Variants in RPGRIP1 observed in about 807,000 individuals in gnomAD.
The protein encoded by RPGRIP1 is X-linked retinitis pigmentosa GTPase regulator-interacting protein 1.
Under a neutral mutation model 157.9 loss-of-function variants are expected in RPGRIP1, and 128 were observed. The ratio of observed to expected loss-of-function variants is 0.81; its 90% confidence interval spans 0.70 to 0.94. The LOEUF is 0.94. Among genes scored for constraint, RPGRIP1 ranks in the 40% least tolerant of loss-of-function variants. The pLI is 0.00. For missense variants in RPGRIP1, 1,486 were observed against 1,545.8 expected (o/e 0.96, Z 0.65); for synonymous variants, 554 against 571.6 (o/e 0.97, Z 0.44).
At chr14:21,323,055 A>G (rs538354535) in intron 14 of RPGRIP1, among the ~76,000 whole-genome samples, 2 of 152,332 alleles carry the variant, frequency 1.3e-5, no homozygotes, top group African/African-American at 4.8e-5. Context: ...AGGAACTTGG[A>G]ACCACAGTTC....
chr14:21,310,666 A>C, intron 8 of RPGRIP1, 59 bp downstream of exon 8: 1 of 975,454 alleles, frequency 1.0e-6, no homozygotes, highest in Non-Finnish European at 1.5e-6. Context: ...AACCCAAAGA[A>C]ATCTATGTTC....
At chr14:21,285,258 C>A (rs555638344) in intron 1 of RPGRIP1, among the ~76,000 whole-genome samples, 25 of 151,916 alleles carry the variant, frequency 1.6e-4, no homozygotes, top group Admixed American at 3.3e-4. Flanking sequence ...GGCCTCCTGG[C>A]AAATGAAAAG....
chr14:21,305,793 A>G, intron 6 of RPGRIP1, among the ~76,000 whole-genome samples: 1 of 152,112 alleles, frequency 6.6e-6, no homozygotes, highest in Admixed American at 6.6e-5. Context: ...CCCGAGAGGC[A>G]GGGGTTGCAC....
chr14:21,295,769 C>T (rs1880746879), intron 3 of RPGRIP1, among the ~76,000 whole-genome samples: 1 of 151,934 alleles, frequency 6.6e-6, no homozygotes, highest in Admixed American at 6.6e-5. Context: ...AGCCACCACG[C>T]CAGCCAATTT....
chr14:21,344,213 G>A (rs1885331250), intron 22 of RPGRIP1, among the ~76,000 whole-genome samples: 1 of 151,948 alleles, frequency 6.6e-6, no homozygotes, highest in South Asian at 2.1e-4. Context: ...AATTCTTGCA[G>A]AACCAAGTAG....
chr14:21,291,944 G>A (rs920398162), intron 2 of RPGRIP1, among the ~76,000 whole-genome samples: 3 of 152,136 alleles, frequency 2.0e-5, no homozygotes, highest in Admixed American at 2.0e-4. Context: ...ATTTTTAGTA[G>A]AGACGGGGTT....
In RPGRIP1 at chr14:21,317,162, T is replaced by C. The variant is rs74034908; in HGVS notation, c.1152-534T>C. ...GAAAAAAAAAGGAACCAGCCATGTG[T>C]ATTTTATACTCAAAATGGGTCTGCT... On this transcript the variant is annotated intron_variant, in intron 10 of 24. Coordinates refer to ENST00000400017, the MANE Select transcript of RPGRIP1 (RefSeq NM_020366.4). Among the ~76,000 whole-genome samples the C allele has an allele frequency of 8.2e-3, 1,244 of 152,160 alleles. 24 individuals carry two copies. The highest frequency in any genetic ancestry group is 0.029 in the African/African-American group (1,189 of 41,528).
chr14:21,345,440 C>T (rs896761553), intron 23 of RPGRIP1, among the ~76,000 whole-genome samples: 12 of 151,732 alleles, frequency 7.9e-5, no homozygotes, highest in African/African-American at 2.7e-4. Context: ...CTCACTCTGT[C>T]GTCCAGGCTA....
intron 24 of RPGRIP1, among the ~76,000 whole-genome samples, chr14:21,349,066 CAATTTTTTTTT>C (rs2139370916): frequency 1.0e-5 from 1 of 96,718 alleles, no homozygotes; most frequent in East Asian, 3.1e-4. Flanking sequence ...CTCCTTACTA[CAATTTTTTTTT>C]TTTTTTTTTT....
In RPGRIP1 at chr14:21,294,752, G is replaced by C. The variant is rs376250340; in HGVS notation, c.161G>C (p.Arg54Pro). 1 of 1,611,680 alleles carries C rather than the reference G, an allele frequency of 6.2e-7. No homozygotes were observed. Among genetic ancestry groups the C allele is most frequent in the East Asian group, 2.2e-5 (1 of 44,736 alleles). Residue 54 changes from arginine to proline, a missense_variant, in exon 3 of 25, where the codon CGC (arginine) becomes CCC (proline). Physicochemically the swap from Arg to Pro is moderately radical, Grantham distance 103. Coordinates refer to ENST00000400017, the MANE Select transcript of RPGRIP1 (RefSeq NM_020366.4). ...EELEDSFFRLREDHMLVKELS... is the reference protein window; with the variant it reads ...EELEDSFFRLPEDHMLVKELS... ...TTGGAGGACAGTTTCTTTCGACTTC[G>C]CGAAGATCACATGTTGGTGAAGGAG...
intron 20 of RPGRIP1, among the ~76,000 whole-genome samples, chr14:21,331,458 G>C (rs1321445630): frequency 6.6e-6 from 1 of 152,034 alleles, no homozygotes; most frequent in African/African-American, 2.4e-5. Context: ...GGAGGCAGAG[G>C]TTGCAGTGAG....
Position 21,334,673 on chromosome 14 carries a change from G to GAAATA in RPGRIP1, c.3307_3308insAAATA (p.Val1103GlufsTer33), listed in dbSNP as rs771131451. On this transcript the variant is annotated frameshift_variant, in exon 21 of 25. Coordinates refer to ENST00000400017, the MANE Select transcript of RPGRIP1 (RefSeq NM_020366.4). LOFTEE classifies it high-confidence loss of function. ...AACTACCGACAGTGATGATGTCATA[G>GAAATA]TGCCACCCATGTCTCAGAAATATCC... The GAAATA allele has an allele frequency of 3.4e-5, 55 of 1,607,614 alleles. No homozygotes were observed. In the South Asian group the frequency reaches 5.7e-4, roughly 17 times the overall value.
chr14:21,334,557 C>A, intron 20 of RPGRIP1, 48 bp from the exon 21 acceptor site: 1 of 1,327,812 alleles, frequency 7.5e-7, no homozygotes, highest in Non-Finnish European at 1.1e-6. Flanking sequence ...TTTTCTTGGG[C>A]TAAAGTGCTT....
chr14:21,297,745 G>C (rs1195685608), intron 3 of RPGRIP1, among the ~76,000 whole-genome samples: 1 of 152,100 alleles, frequency 6.6e-6, no homozygotes, highest in Admixed American at 6.6e-5. Context: ...GGTGATTTTG[G>C]GGGAGGATCC....
In RPGRIP1 at chr14:21,334,727, T is replaced by C. The variant is rs751509930; in HGVS notation, c.3339+22T>C. The stretch of plus-strand genomic sequence containing the variant: ...GGCAGTAAGTACACTGGAGTAATCA[T>C]TGCATACGAGATAAGACGATAAATA... On this transcript the variant is annotated intron_variant, in intron 21 of 24. Coordinates refer to ENST00000400017, the MANE Select transcript of RPGRIP1 (RefSeq NM_020366.4). 92 of 1,405,700 alleles carry C rather than the reference T, an allele frequency of 6.5e-5. No homozygotes were observed. In the South Asian group the frequency reaches 8.9e-4, roughly 14 times the overall value. The allele number at this position is 1,405,700 out of a possible 1,614,324, so 87.1% of individuals were successfully genotyped here.
chr14:21,338,853 A>T (rs1324166209), intron 21 of RPGRIP1, among the ~76,000 whole-genome samples: 1 of 152,198 alleles, frequency 6.6e-6, no homozygotes, highest in Admixed American at 6.5e-5. Context: ...AAGTTTAAAA[A>T]ATTTGCTGGG....
chr14:21,308,353 A>C (rs1203506790), intron 7 of RPGRIP1, among the ~76,000 whole-genome samples: 1 of 152,226 alleles, frequency 6.6e-6, no homozygotes, highest in Non-Finnish European at 1.5e-5. Flanking sequence ...GGTCAAAGTA[A>C]GGTCAGCACC....
At chr14:21,285,135 G>A (rs146937881) in intron 1 of RPGRIP1, among the ~76,000 whole-genome samples, 1 of 151,920 alleles carries the variant, frequency 6.6e-6, no homozygotes, top group East Asian at 1.9e-4. Context: ...ATAAATGAAG[G>A]TAGTTTCTGT....
intron 17 of RPGRIP1, 63 bp downstream of exon 17, chr14:21,326,236 T>C: frequency 9.0e-7 from 1 of 1,112,616 alleles, no homozygotes; most frequent in East Asian, 2.4e-5. Context: ...CTGTCCTGAT[T>C]CTACTTTTCT....
Sources: gnomAD v4.1 joint callset for allele counts (sites outside exome capture counted in the v4.1 genomes callset) on GRCh38, gnomAD v4.1.1 for gene constraint, MANE v1.5 for transcripts, NCBI Gene and HGNC (gene_info 2026-07-23, HGNC 2026-07-21) for gene names.